The following ALDH3B2 variants were observed in gnomAD, a reference collection of about 807,000 sequenced individuals.
ALDH3B2 encodes aldehyde dehydrogenase family 3 member B2.
A neutral mutation model predicts 36.7 loss-of-function variants in ALDH3B2; 45 were observed. The ratio of observed to expected loss-of-function variants is 1.23; its 90% confidence interval spans 0.97 to 1.57. ALDH3B2 has a LOEUF of 1.57. Among genes scored for constraint, ALDH3B2 ranks in the 40% most tolerant of loss-of-function variants. ALDH3B2 has a pLI of 0.00. For missense variants in ALDH3B2, 464 were observed against 513.3 expected (o/e 0.90, Z 0.93); for synonymous variants, 217 against 226.5 (o/e 0.96, Z 0.38).
upstream of ALDH3B2, among the ~76,000 whole-genome samples, chr11:67,675,725 C>T (rs1856254667): frequency 6.6e-6 from 1 of 152,208 alleles, no homozygotes; most frequent in Non-Finnish European, 1.5e-5. Flanking sequence ...GAAGGGAATA[C>T]AGGGCAGAAT....
intron 8 of ALDH3B2, 105 bp from the exon 9 acceptor site, chr11:67,663,866 C>T: frequency 3.4e-6 from 3 of 889,650 alleles, no homozygotes; most frequent in Non-Finnish European, 5.1e-6. Flanking sequence ...CCTGCCCCTC[C>T]ACCCTCTAAC....
At chr11:67,668,741 G>C (rs1302872119) in intron 1 of ALDH3B2, among the ~76,000 whole-genome samples, 1 of 145,804 alleles carries the variant, frequency 6.9e-6, no homozygotes, top group Non-Finnish European at 1.5e-5. Flanking sequence ...GTGTGTGTCT[G>C]TGTATGTATG....
At chr11:67,680,605 C>G (rs1391434773) in intron 1 of ALDH3B2, among the ~76,000 whole-genome samples, 1 of 151,994 alleles carries the variant, frequency 6.6e-6, no homozygotes, top group African/African-American at 2.4e-5. Context: ...TTTTTAGAGA[C>G]AGGGTTTTGC....
intron 1 of ALDH3B2, among the ~76,000 whole-genome samples, chr11:67,671,803 A>G (rs893270939): frequency 2.0e-5 from 3 of 150,930 alleles, no homozygotes; most frequent in Non-Finnish European, 4.4e-5. Context: ...TTGGCCTCCC[A>G]AAGTGCTGGG....
exon 2 of ALDH3B2, chr11:67,667,500 G>A (rs373327708): frequency 1.3e-5 from 5 of 389,624 alleles, no homozygotes; most frequent in South Asian, 1.4e-4. Flanking sequence ...CCAGCACGTC[G>A]CGCAGAAGCT....
At chr11:67,675,967 CG>C (rs1477203559), upstream of ALDH3B2, among the ~76,000 whole-genome samples, 1 of 152,152 alleles carries the variant, frequency 6.6e-6, no homozygotes, top group African/African-American at 2.4e-5. Flanking sequence ...TAAAATAGGT[CG>C]GGTGCGGTGG....
At chr11:67,680,178 G>A (rs1306420062) in intron 1 of ALDH3B2, among the ~76,000 whole-genome samples, 2 of 152,084 alleles carry the variant, frequency 1.3e-5, no homozygotes, top group Non-Finnish European at 2.9e-5. Context: ...GCCGGGCGTG[G>A]TGATGCGCAC....
chr11:67,677,073 GA>G (rs1239240830), upstream of ALDH3B2, among the ~76,000 whole-genome samples: 3 of 152,154 alleles, frequency 2.0e-5, no homozygotes, highest in Admixed American at 2.0e-4. Flanking sequence ...ACAAGATAGA[GA>G]AAGAAGGAGC....
At chr11:67,666,044 C>T in intron 6 of ALDH3B2, 78 bp downstream of exon 6, 1 of 1,537,046 alleles carries the variant, frequency 6.5e-7, no homozygotes, top group East Asian at 2.3e-5. Context: ...GCCCCAGCCT[C>T]CTCCCTCCAC....
exon 7 of ALDH3B2, chr11:67,665,576 C>A (rs1383055827): frequency 1.9e-6 from 3 of 1,614,102 alleles, no homozygotes; most frequent in Non-Finnish European, 2.5e-6. Flanking sequence ...CAGTTGTCGT[C>A]CACGTAGCAG....
At position 67,665,212 on chromosome 11, in the gene ALDH3B2, T is replaced by G. The variant is rs1855862556; in HGVS notation, c.706+73A>C. On this transcript the variant is annotated intron_variant, in intron 7 of 9. Transcript: ENST00000349015. ...GGTTTCAGGTGCGAGTCCAGACTCGTGGCCCAGCCGTGGGCCCTCCATTGA... is the reference window on the plus strand; with the variant it reads ...GGTTTCAGGTGCGAGTCCAGACTCGGGGCCCAGCCGTGGGCCCTCCATTGA... 3.9e-6 allele frequency: 6 copies of G among 1,525,826 alleles called. No homozygotes were observed. In the South Asian group the frequency reaches 7.9e-5, roughly 20 times the overall value. The allele number at this position is 1,525,826 out of a possible 1,614,324, so 94.5% of individuals were successfully genotyped here. A position where few individuals can be genotyped will look rare whatever the true frequency, so the allele number is the denominator to read the frequency against.
chr11:67,663,362 G>A, exon 10 of ALDH3B2: 2 of 1,613,882 alleles, frequency 1.2e-6, no homozygotes, highest in African/African-American at 1.3e-5. Context: ...AGGTGTCGAA[G>A]GTGAACTTGC....
intron 1 of ALDH3B2, among the ~76,000 whole-genome samples, chr11:67,672,918 C>G (rs1239398814): frequency 8.1e-6 from 1 of 124,052 alleles, no homozygotes; most frequent in Non-Finnish European, 1.8e-5. Context: ...TCTTTCTTTT[C>G]TTTTCTTTTC....
intron 1 of ALDH3B2, among the ~76,000 whole-genome samples, chr11:67,672,101 TTTGTGTG>T: frequency 1.1e-4 from 2 of 18,686 alleles, no homozygotes; most frequent in African/African-American, 2.2e-4. Flanking sequence ...ATGTATGTAT[TTTGTGTG>T]TGTGTGTGTG....
exon 10 of ALDH3B2, chr11:67,663,344 G>A: frequency 6.2e-7 from 1 of 1,614,142 alleles, no homozygotes; most frequent in Non-Finnish European, 8.5e-7. Context: ...AGGTGCGGTG[G>A]TGGGAGAAGG....
chr11:67,676,826 T>C (rs902277530), upstream of ALDH3B2, among the ~76,000 whole-genome samples: 1 of 152,110 alleles, frequency 6.6e-6, no homozygotes, highest in Non-Finnish European at 1.5e-5. Flanking sequence ...GTGAACACCT[T>C]TACACACATA....
chr11:67,662,845 G>C (rs903891805), exon 10 of ALDH3B2: 14 of 246,924 alleles, frequency 5.7e-5, no homozygotes, highest in African/African-American at 3.2e-4. Context: ...AGGGCTCCAC[G>C]CTCTCAACCG....
chr11:67,675,942 G>A (rs1305250601), upstream of ALDH3B2, among the ~76,000 whole-genome samples: 4 of 152,170 alleles, frequency 2.6e-5, no homozygotes, highest in Non-Finnish European at 5.9e-5. Flanking sequence ...AACCTCAGTA[G>A]CAATTGTTAA....
chr11:67,675,965 G>T (rs1426135830), upstream of ALDH3B2, among the ~76,000 whole-genome samples: 1 of 152,210 alleles, frequency 6.6e-6, no homozygotes, highest in Non-Finnish European at 1.5e-5. Flanking sequence ...TGTAAAATAG[G>T]TCGGGTGCGG....
Sources: allele counts gnomAD v4.1 joint callset (sites outside exome capture counted in the v4.1 genomes callset), GRCh38; gene constraint gnomAD v4.1.1; transcripts MANE v1.5; gene names NCBI Gene and HGNC (gene_info 2026-07-23, HGNC 2026-07-21).